The following PTPRS variants were observed in gnomAD, a reference collection of about 807,000 sequenced individuals.
PTPRS encodes receptor-type tyrosine-protein phosphatase S.
PTPRS carries 63 observed loss-of-function variants against 215.3 expected under a neutral mutation model. That is an observed-to-expected ratio of 0.29 (90% CI 0.24 to 0.36). The LOEUF (loss-of-function observed/expected upper bound fraction) is 0.36, where lower values mean the gene tolerates loss of function less well. PTPRS is among the 10% of genes least tolerant of loss of function. The pLI, the probability that PTPRS is intolerant of heterozygous loss-of-function variation, is 1.00. For synonymous variants in PTPRS, 1,404 were observed against 1,191.4 expected, an observed-to-expected ratio of 1.18 and a Z score of -3.68; for missense variants, 2,258 against 2,825.8, an observed-to-expected ratio of 0.80 and a Z score of 4.56.
intron 19 of PTPRS, 56 bp from the exon 20 acceptor site, chr19:5,221,309 C>T: frequency 6.4e-7 from 1 of 1,559,188 alleles, no homozygotes; most frequent in South Asian, 1.2e-5. Flanking sequence ...ATGGACTGAG[C>T]CCCAGCTCCA....
intron 1 of PTPRS, among the ~76,000 whole-genome samples, chr19:5,325,378 C>T (rs1368083178): frequency 2.6e-5 from 4 of 152,230 alleles, no homozygotes; most frequent in East Asian, 1.9e-4. Flanking sequence ...TCAACTGCTA[C>T]GGAGTCGGGG....
chr19:5,259,611 G>A (rs2045832096), intron 7 of PTPRS, among the ~76,000 whole-genome samples: 1 of 152,128 alleles, frequency 6.6e-6, no homozygotes, highest in Non-Finnish European at 1.5e-5. Context: ...AAAACTTAGT[G>A]TAACATATCT....
At chr19:5,254,480 G>A (rs572895547) in intron 9 of PTPRS, among the ~76,000 whole-genome samples, 1 of 152,248 alleles carries the variant, frequency 6.6e-6, no homozygotes, top group South Asian at 2.1e-4. Flanking sequence ...TTCTTGGGGA[G>A]GGGAGCAGAA....
At chr19:5,324,306 C>T (rs2050113832) in intron 1 of PTPRS, among the ~76,000 whole-genome samples, 1 of 151,816 alleles carries the variant, frequency 6.6e-6, no homozygotes, top group South Asian at 2.1e-4. Flanking sequence ...GCGCACAGTC[C>T]GGCACACAGC....
At position 5,244,254 on chromosome 19, in the gene PTPRS, T is replaced by C; in HGVS notation, c.1217A>G (p.Asn406Ser). ...GCTGGGGGGCCCCTGGCCGATGGAG[T>C]TGACGGCCGACACCCAGATCTCGTA... The part of the protein sequence containing the change: ...SEYEIWVSAV[N>S]SIGQGPPSES... Residue 406 changes from asparagine (N) to serine (S), a missense_variant, in exon 11 of 38, where the codon AAC becomes AGC. Asn to Ser is a conservative substitution (Grantham distance 46). Transcript: ENST00000262963. This position sits in a 1 kb window ranked among gnomAD's most constrained non-coding sequence, Gnocchi z 7.2. 1 of 1,613,644 alleles carries C rather than the reference T, an allele frequency of 6.2e-7. No homozygotes were observed. Among genetic ancestry groups the C allele is most frequent in the Non-Finnish European group, 8.5e-7 (1 of 1,179,724 alleles).
rs61729762 is a variant in PTPRS, at chr19:5,220,301, G to A, written c.3508C>T (p.Leu1170=). ...PLRKSRGGQF[L]TPLGSPEDMD... ...TCCTCTGGGCTACCCAGCGGGGTCAGGAATTGGCCTCCACGAGACTTGCGC... is the reference window on the plus strand; with the variant it reads ...TCCTCTGGGCTACCCAGCGGGGTCAAGAATTGGCCTCCACGAGACTTGCGC... Residue 1170 remains leucine, a synonymous_variant, in exon 21 of 38, where the codon CTG becomes TTG. Coordinates refer to ENST00000262963, the MANE Select transcript of PTPRS (RefSeq NM_002850.4). 3.7e-3 allele frequency: 6,004 copies of A among 1,614,086 alleles called. 193 individuals are homozygous for A. In the African/African-American group the frequency reaches 0.071, roughly 19 times the overall value.
intron 36 of PTPRS, 44 bp from the exon 37 acceptor site, chr19:5,208,101 G>A (rs758681871): frequency 6.3e-7 from 1 of 1,598,382 alleles, no homozygotes; most frequent in Non-Finnish European, 8.6e-7. Context: ...GGCAGGTGCT[G>A]GGGAGCCCTG....
At chr19:5,241,996 C>T (rs1369525519) in intron 11 of PTPRS, among the ~76,000 whole-genome samples, 4 of 152,006 alleles carry the variant, frequency 2.6e-5, no homozygotes, top group East Asian at 1.9e-4. Context: ...CTATCATGCC[C>T]GGCTAATTTT....
chr19:5,326,157 G>A (rs1180304895), intron 1 of PTPRS, among the ~76,000 whole-genome samples: 1 of 152,222 alleles, frequency 6.6e-6, no homozygotes, highest in African/African-American at 2.4e-5. Context: ...CTTGAACCCG[G>A]GAGGTGGGGG....
intron 1 of PTPRS, among the ~76,000 whole-genome samples, chr19:5,335,801 G>A (rs1331342986): frequency 3.3e-5 from 5 of 152,082 alleles, no homozygotes; most frequent in African/African-American, 7.2e-5. Context: ...TGGGATCCGC[G>A]GGAATCAGAA....
chr19:5,254,707 G>A (rs11878779), intron 9 of PTPRS, among the ~76,000 whole-genome samples: 33,737 of 152,148 alleles, frequency 0.22, 4,865 homozygotes, highest in Non-Finnish European at 0.33. Context: ...GACAAAAGAC[G>A]CCTGTGACCG....
In PTPRS at chr19:5,229,478, G is replaced by GC. The variant is rs1238146266; in HGVS notation, c.2349+12dup. 80 of 1,408,652 alleles carry GC rather than the reference G, an allele frequency of 5.7e-5. No homozygotes were observed. Among genetic ancestry groups the GC allele is most frequent in the East Asian group, 1.2e-4 (4 of 32,868 alleles). 87.3% of individuals were successfully genotyped at this position (1,408,652 alleles called of 1,614,324 possible). Reference sequence around the variant, plus strand: ...GGAGCCCGTCCCCGGCCCCGCCCCGGCCCCCCGCCCACCTGGGCATCGGCC... The same window carrying GC: ...GGAGCCCGTCCCCGGCCCCGCCCCGGCCCCCCCGCCCACCTGGGCATCGGCC... On this transcript the variant is annotated intron_variant, in intron 15 of 37. Transcript: ENST00000262963.
At chr19:5,247,197 A>T (rs923006345) in intron 9 of PTPRS, among the ~76,000 whole-genome samples, 7 of 142,408 alleles carry the variant, frequency 4.9e-5, no homozygotes, top group East Asian at 2.0e-4. Flanking sequence ...TAGTATATTA[A>T]TAATAATAAT....
At chr19:5,274,578 C>T (rs2047196106) in intron 2 of PTPRS, among the ~76,000 whole-genome samples, 1 of 151,946 alleles carries the variant, frequency 6.6e-6, no homozygotes, top group Admixed American at 6.6e-5. Flanking sequence ...CTGCAACAGC[C>T]ACACCTGCTC....
chr19:5,318,868 G>T (rs1200557237), intron 1 of PTPRS, among the ~76,000 whole-genome samples: 1 of 152,136 alleles, frequency 6.6e-6, no homozygotes, highest in Non-Finnish European at 1.5e-5. Context: ...AGGGTGTCTA[G>T]CACCCTATTC....
At chr19:5,265,404 C>T (rs939947007) in intron 4 of PTPRS, among the ~76,000 whole-genome samples, 1 of 152,092 alleles carries the variant, frequency 6.6e-6, no homozygotes, top group Non-Finnish European at 1.5e-5. Flanking sequence ...TACAGTGGCT[C>T]GATCATAGCT....
chr19:5,219,239 A>C (rs2041760627), intron 23 of PTPRS, 71 bp downstream of exon 23: 17 of 1,577,532 alleles, frequency 1.1e-5, no homozygotes, highest in Non-Finnish European at 1.5e-5. Context: ...ATTCTCTGAG[A>C]CAACTCCTCC....
Position 5,208,637 on chromosome 19 carries a change from C to T in PTPRS, c.5488-246G>A, listed in dbSNP as rs1273466544. 3.3e-5 allele frequency among the ~76,000 whole-genome samples: 5 copies of T among 152,112 alleles called. No individual in the cohort carries two copies. The South Asian group carries it at 6.2e-4, about 19-fold the overall frequency. ...AGCTGGGATTACAGGCATGAGCCAC[C>T]AGGCCCGGCCCTCACCCCCATTTTG... On this transcript the variant is annotated intron_variant, in intron 35 of 37. Transcript: ENST00000262963.
Position 5,257,794 on chromosome 19 carries a change from G to A in PTPRS, c.706+223C>T, listed in dbSNP as rs185070935. On this transcript the variant is annotated intron_variant, in intron 8 of 37. Coordinates refer to ENST00000262963, the MANE Select transcript of PTPRS (RefSeq NM_002850.4). This position sits in a 1 kb window ranked among gnomAD's most constrained non-coding sequence, Gnocchi z 4.4. ...GCCTGCTGCCCACGGGGCATCTCTC[G>A]CAAGGCACGAGGAAGGGAATTTAAG... 2.6e-5 allele frequency among the ~76,000 whole-genome samples: 4 copies of A among 152,320 alleles called. No individual in the cohort carries two copies. Among genetic ancestry groups the A allele is most frequent in the East Asian group, 3.9e-4 (2 of 5,172 alleles).
Sources: gnomAD v4.1 joint callset for allele counts (sites outside exome capture counted in the v4.1 genomes callset) on GRCh38, gnomAD v4.1.1 for gene constraint, Gnocchi (gnomAD v3.1) non-coding constraint, MANE v1.5 for transcripts, NCBI Gene and HGNC (gene_info 2026-07-23, HGNC 2026-07-21) for gene names.